Variants in DCX observed in about 807,000 individuals in gnomAD.
DCX encodes the protein doublecortin.
Under a neutral mutation model 20.9 loss-of-function variants are expected in DCX, and 4 were observed. The ratio of observed to expected loss-of-function variants is 0.19; its 90% CI spans 0.09 to 0.44. The LOEUF (loss-of-function observed/expected upper bound fraction) is 0.44, where lower values mean the gene tolerates loss of function less well. DCX is among the 20% of genes least tolerant of loss of function. DCX has a pLI of 0.99. For missense variants in DCX, 133 were observed against 296.9 expected, an observed-to-expected ratio of 0.45 and a Z score of 4.06; for synonymous variants, 103 against 111.4, an observed-to-expected ratio of 0.92 and a Z score of 0.47.
At chrX:111,364,457 G>A (rs754832877) in intron 3 of DCX, among the ~76,000 whole-genome samples, 2 of 112,397 alleles carry the variant, frequency 1.8e-5, no homozygotes, top group Admixed American at 1.9e-4. Flanking sequence ...TAAGTATCGG[G>A]TATTGGTGAG....
chrX:111,332,983 C>A, intron 4 of DCX, 68 bp downstream of exon 4: 1 of 822,836 alleles, frequency 1.2e-6, no homozygotes. Flanking sequence ...CCATACAAAC[C>A]CATGGAAATC....
intron 4 of DCX, 78 bp from the exon 5 acceptor site, chrX:111,331,119 A>T (rs1921194553): frequency 1.8e-6 from 2 of 1,118,100 alleles, no homozygotes; most frequent in Non-Finnish European, 2.5e-6. Context: ...AAACCGCAAT[A>T]ACCATCACAG....
chrX:111,408,347 G>C (rs1928367987), intron 2 of DCX, among the ~76,000 whole-genome samples: 1 of 111,112 alleles, frequency 9.0e-6, no homozygotes, highest in Non-Finnish European at 1.9e-5. Context: ...TCTCGGCCAG[G>C]CACAGTGGCT....
intron 3 of DCX, among the ~76,000 whole-genome samples, chrX:111,396,464 A>C (rs924523889): frequency 1.8e-5 from 2 of 112,072 alleles, no homozygotes; most frequent in African/African-American, 6.5e-5. Context: ...CAATCAGTGT[A>C]GCATGAAAAT....
At chrX:111,357,507 G>A (rs1449830548) in intron 3 of DCX, among the ~76,000 whole-genome samples, 3 of 112,021 alleles carry the variant, frequency 2.7e-5, no homozygotes, top group Non-Finnish European at 1.9e-5. Flanking sequence ...TCCCAGCACA[G>A]GGGCTCACAC....
chrX:111,386,173 A>C (rs1390811295), intron 3 of DCX, among the ~76,000 whole-genome samples: 4 of 109,420 alleles, frequency 3.7e-5, no homozygotes, highest in Admixed American at 9.7e-5. Flanking sequence ...GATTTAAACA[A>C]TTTTTTTTTC....
rs1259677362 is a variant in DCX, at chrX:111,316,095, A to ATAAATAAAT, written c.947-3360_947-3359insATTTATTTA. ...AGAGTATAATAAAAAATAAAAAAAA[A>ATAAATAAAT]AAAAAAAAAAAAAAATGTTAAGGGT... On this transcript the variant is annotated intron_variant, in intron 5 of 6. Transcript: ENST00000636035. Among the ~76,000 whole-genome samples the ATAAATAAAT allele has an allele frequency of 1.0e-3, 102 of 100,225 alleles. 2 individuals carry two copies. The highest frequency in any genetic ancestry group is 4.0e-3 in the African/African-American group (97 of 24,193). 87.0% of individuals were successfully genotyped at this position (100,225 alleles called of 115,157 possible).
rs1222012766 is a variant in DCX, at chrX:111,330,634, T to C, written c.946+270A>G. On this transcript the variant is annotated intron_variant, in intron 5 of 6. Coordinates refer to ENST00000636035, the MANE Select transcript of DCX (RefSeq NM_001195553.2). The stretch of plus-strand genomic sequence containing the variant: ...TGTTTTTGCCACATGATGTTGAAGA[T>C]GATGAAAATGATGACAACCATGAAA... 7.2e-5 allele frequency among the ~76,000 whole-genome samples: 8 copies of C among 111,868 alleles called. No individual in the cohort carries two copies. The East Asian group carries it at 2.0e-3, about 27-fold the overall frequency.
At position 111,367,244 on chromosome X, in the gene DCX, C is replaced by T. The variant is rs765012686; in HGVS notation, c.705+33746G>A. Among the ~76,000 whole-genome samples the T allele has an allele frequency of 2.7e-5, 3 of 111,720 alleles. No homozygotes were observed. In the South Asian group the frequency reaches 1.1e-3, roughly 42 times the overall value. On this transcript the variant is annotated intron_variant, in intron 3 of 6. Transcript: ENST00000636035. ...TATTTCATCAGGGACTGAATCACTT[C>T]CCTGCCTGCCCATCTGGCCTTTTCC...
intron 5 of DCX, among the ~76,000 whole-genome samples, chrX:111,323,475 ACT>A (rs2095091633): frequency 9.0e-6 from 1 of 111,246 alleles, no homozygotes; most frequent in South Asian, 3.8e-4. Flanking sequence ...ATTTATAGGC[ACT>A]GAGTTAGGAA....
At chrX:111,311,117 T>C (rs766068829) in intron 6 of DCX, among the ~76,000 whole-genome samples, 1 of 112,572 alleles carries the variant, frequency 8.9e-6, no homozygotes, top group Admixed American at 9.4e-5. Context: ...GGCATGTCCA[T>C]ATTTACAAGC....
At chrX:111,385,717 GC>G (rs1285709883) in intron 3 of DCX, among the ~76,000 whole-genome samples, 1,039 of 48,477 alleles carry the variant, frequency 0.021, 11 homozygotes, top group Non-Finnish European at 0.038. Context: ...AAGCAAGAAA[GC>G]AAGGAAGGAA....
chrX:111,386,980 C>A (rs984147836), intron 3 of DCX, among the ~76,000 whole-genome samples: 1 of 111,367 alleles, frequency 9.0e-6, no homozygotes, highest in African/African-American at 3.3e-5. Context: ...CATGTTAGAA[C>A]AAAGGAAGGG....
At chrX:111,371,849 C>T (rs1399424071) in intron 3 of DCX, among the ~76,000 whole-genome samples, 1 of 110,929 alleles carries the variant, frequency 9.0e-6, no homozygotes, top group African/African-American at 3.3e-5. Flanking sequence ...ATGCATTACA[C>T]ACAGAGTAAG....
At chrX:111,385,186 C>A (rs1346032462) in intron 3 of DCX, among the ~76,000 whole-genome samples, 1 of 112,416 alleles carries the variant, frequency 8.9e-6, no homozygotes, top group Non-Finnish European at 1.9e-5. Flanking sequence ...TAAAATAAAT[C>A]TCTTTATATA....
intron 3 of DCX, among the ~76,000 whole-genome samples, chrX:111,396,217 G>A (rs952649655): frequency 8.9e-6 from 1 of 111,980 alleles, no homozygotes; most frequent in Non-Finnish European, 1.9e-5. Context: ...GATAATCTTG[G>A]AATCGGCTTA....
At chrX:111,397,645 A>T (rs1927425828) in intron 3 of DCX, among the ~76,000 whole-genome samples, 2 of 111,839 alleles carry the variant, frequency 1.8e-5, no homozygotes, top group African/African-American at 6.5e-5. Context: ...TAACAAAACA[A>T]CGTTTAATTT....
chrX:111,366,565 G>A lies in DCX; in HGVS notation c.706-33412C>T, dbSNP rs1218052214. Among the ~76,000 whole-genome samples, 23 of 111,509 alleles carry A rather than the reference G, an allele frequency of 2.1e-4. No homozygotes were observed. In the Admixed American group the frequency reaches 2.2e-3, roughly 11 times the overall value. Reference sequence around the variant, plus strand: ...TCTGCTTTATCTAGACATTTCCCAGGCTCTCAGGGCATGATCAATCCAAAG... The same window carrying A: ...TCTGCTTTATCTAGACATTTCCCAGACTCTCAGGGCATGATCAATCCAAAG... On this transcript the variant is annotated intron_variant, in intron 3 of 6. Transcript: ENST00000636035.
At position 111,299,223 on chromosome X, in the gene DCX, C is replaced by G. The variant is rs758875806; in HGVS notation, c.*2464G>C. 1 of 111,437 alleles carries G rather than the reference C, an allele frequency of 9.0e-6. No individual in the cohort carries two copies. The highest frequency in any genetic ancestry group is 3.8e-4 in the South Asian group (1 of 2,622). 9.2% of individuals were successfully genotyped at this position (111,437 alleles called of 1,213,427 possible). ...TTTGGACTATGCCAAGCCTCATCCC[C>G]TGCTCCCTCCAAAATGGCCATAAAG... is the stretch of plus-strand genomic sequence containing the variant. On this transcript the variant is annotated 3_prime_UTR_variant, in exon 7 of 7. Coordinates refer to ENST00000636035, the MANE Select transcript of DCX (RefSeq NM_001195553.2).
Sources: allele counts gnomAD v4.1 joint callset (sites outside exome capture counted in the v4.1 genomes callset), GRCh38; gene constraint gnomAD v4.1.1; transcripts MANE v1.5; gene names NCBI Gene and HGNC (gene_info 2026-07-23, HGNC 2026-07-21).